MBNL2: variants seen among roughly 807,000 people sequenced by gnomAD.
MBNL2 encodes the protein muscleblind-like protein 2.
A neutral mutation model predicts 41.9 loss-of-function variants in MBNL2; 17 were observed. The observed-to-expected ratio is 0.41, with a 90% CI of 0.28 to 0.61. The LOEUF is 0.61. Ranked by LOEUF, MBNL2 falls within the 20% of genes least tolerant of loss-of-function variation. The pLI, the probability that MBNL2 is intolerant of heterozygous loss-of-function variation, is 0.35. For synonymous variants in MBNL2, 195 were observed against 182.9 expected (o/e 1.07, Z -0.53); for missense variants, 336 against 505.6 (o/e 0.66, Z 3.22).
intron 2 of MBNL2, among the ~76,000 whole-genome samples, chr13:97,280,615 A>G (rs1161506062): frequency 6.6e-6 from 1 of 152,206 alleles, no homozygotes; most frequent in Admixed American, 6.5e-5. Flanking sequence ...GTAAAGAGCA[A>G]CACTGCAAAG....
In MBNL2 at chr13:97,337,251, C is replaced by T. The variant is rs139084434; in HGVS notation, c.339+2811C>T. Among the ~76,000 whole-genome samples the T allele has an allele frequency of 5.9e-5, 9 of 152,302 alleles. No homozygotes were observed. In the East Asian group the frequency reaches 7.7e-4, roughly 13 times the overall value. ...TGGTCCTCATCAGACATCAAATCTG[C>T]GGGCACCTTGATTTGGGGGGTTCCA... On this transcript the variant is annotated intron_variant, in intron 3 of 8. Transcript: ENST00000679496.
chr13:97,298,949 G>C (rs1056629635), intron 2 of MBNL2, among the ~76,000 whole-genome samples: 1 of 152,180 alleles, frequency 6.6e-6, no homozygotes, highest in African/African-American at 2.4e-5. Flanking sequence ...ATGGTCACCT[G>C]ATAAGTGTAG....
At chr13:97,256,476 G>A (rs185486419) in intron 1 of MBNL2, among the ~76,000 whole-genome samples, 4 of 152,226 alleles carry the variant, frequency 2.6e-5, no homozygotes, top group Admixed American at 6.5e-5. Context: ...ATAGTCAGAC[G>A]TAATAAATAT....
At chr13:97,383,680 G>T (rs1461380107) in intron 8 of MBNL2, among the ~76,000 whole-genome samples, 6 of 152,114 alleles carry the variant, frequency 3.9e-5, no homozygotes, top group Non-Finnish European at 5.9e-5. Context: ...CAACCTCAGT[G>T]TGCTCTTCTC....
At chr13:97,272,113 C>T (rs1177327663) in intron 1 of MBNL2, among the ~76,000 whole-genome samples, 1 of 152,176 alleles carries the variant, frequency 6.6e-6, no homozygotes, top group African/African-American at 2.4e-5. Flanking sequence ...TTAATAATCA[C>T]CATTCTGACT....
At chr13:97,217,865 T>G (rs2040504422), upstream of MBNL2, among the ~76,000 whole-genome samples, 1 of 149,242 alleles carries the variant, frequency 6.7e-6, no homozygotes, top group South Asian at 2.2e-4. Flanking sequence ...TGGTGGGGGG[T>G]TTAATTAGGG....
intron 3 of MBNL2, among the ~76,000 whole-genome samples, chr13:97,341,011 T>C (rs1189576583): frequency 6.6e-6 from 1 of 152,180 alleles, no homozygotes; most frequent in Non-Finnish European, 1.5e-5. Context: ...ATCTGTGGGC[T>C]GGGAGGGTTG....
chr13:97,158,622 C>T, the MBNL2 span, among the ~76,000 whole-genome samples: 1 of 151,268 alleles, frequency 6.6e-6, no homozygotes, highest in Non-Finnish European at 1.5e-5. Flanking sequence ...TTTCAAAGAA[C>T]ATCTTTATTT....
At chr13:97,204,694 G>T in the MBNL2 span, among the ~76,000 whole-genome samples, 1 of 152,142 alleles carries the variant, frequency 6.6e-6, no homozygotes. Context: ...TTCTTGAGGA[G>T]CAGGGAGTGG....
intron 1 of MBNL2, among the ~76,000 whole-genome samples, chr13:97,240,667 C>T (rs1369726767): frequency 2.6e-5 from 4 of 152,134 alleles, no homozygotes; most frequent in African/African-American, 9.7e-5. Context: ...CTACAAAAGA[C>T]TTTTGGGAAT....
chr13:97,349,774 C>T (rs530220199), intron 5 of MBNL2, among the ~76,000 whole-genome samples: 30 of 152,240 alleles, frequency 2.0e-4, no homozygotes, highest in Non-Finnish European at 1.3e-4. Flanking sequence ...CTCTTCTTTC[C>T]CCTGCCTGCT....
At chr13:97,233,221 C>T (rs1030451254) in intron 1 of MBNL2, among the ~76,000 whole-genome samples, 5 of 130,334 alleles carry the variant, frequency 3.8e-5, no homozygotes, top group African/African-American at 2.9e-5. Flanking sequence ...GCACAACATG[C>T]AGGTTTGTTA....
intron 5 of MBNL2, among the ~76,000 whole-genome samples, chr13:97,353,711 G>GA (rs1266102825): frequency 6.6e-6 from 1 of 152,018 alleles, no homozygotes; most frequent in Non-Finnish European, 1.5e-5. Context: ...ACTTTTCTTT[G>GA]GTAGTGTTAA....
At chr13:97,277,477 C>T (rs1435285466) in intron 2 of MBNL2, among the ~76,000 whole-genome samples, 2 of 152,096 alleles carry the variant, frequency 1.3e-5, no homozygotes, top group Non-Finnish European at 2.9e-5. Context: ...AAAATAGTGA[C>T]CCTAGCCTAT....
chr13:97,178,300 C>T, the MBNL2 span, among the ~76,000 whole-genome samples: 11 of 152,016 alleles, frequency 7.2e-5, no homozygotes, highest in South Asian at 2.1e-4. Context: ...CTATCTGAGA[C>T]GAATATACAG....
intron 4 of MBNL2, among the ~76,000 whole-genome samples, chr13:97,343,973 A>G (rs1050978002): frequency 6.6e-6 from 1 of 152,052 alleles, no homozygotes; most frequent in Non-Finnish European, 1.5e-5. Context: ...CGCCTGGCCA[A>G]TTTTGTATTT....
At chr13:97,358,792 G>A (rs2063182078) in intron 7 of MBNL2, among the ~76,000 whole-genome samples, 1 of 152,136 alleles carries the variant, frequency 6.6e-6, no homozygotes, top group Admixed American at 6.5e-5. Context: ...AGAGTTTTTT[G>A]ATTCAAATCC....
At chr13:97,256,246 T>C (rs1238973679) in intron 1 of MBNL2, among the ~76,000 whole-genome samples, 1 of 152,034 alleles carries the variant, frequency 6.6e-6, no homozygotes, top group Non-Finnish European at 1.5e-5. Flanking sequence ...GTGACCTTGA[T>C]GGGCAGTGGA....
intron 1 of MBNL2, among the ~76,000 whole-genome samples, chr13:97,244,182 C>A (rs1311193133): frequency 6.6e-5 from 10 of 152,174 alleles, no homozygotes; most frequent in Admixed American, 6.5e-4. Flanking sequence ...CAATGTGATT[C>A]TTTAGTCATA....
Sources: allele counts gnomAD v4.1 joint callset (sites outside exome capture counted in the v4.1 genomes callset), GRCh38; gene constraint gnomAD v4.1.1; transcripts MANE v1.5; gene names NCBI Gene and HGNC (gene_info 2026-07-23, HGNC 2026-07-21).